Variants in NTM observed in about 807,000 individuals in gnomAD.
NTM encodes IgLON family member 2.
Under a neutral mutation model 42.1 loss-of-function variants are expected in NTM, and 13 were observed. That is an observed-to-expected ratio of 0.31 (90% CI 0.20 to 0.49). The LOEUF is 0.49. NTM is among the 20% of genes least tolerant of loss of function. The probability of loss-of-function intolerance (pLI) is 0.99; values close to 1 mark genes in which losing one functional copy is unlikely to be tolerated. For synonymous variants in NTM, 187 were observed against 179.2 expected (o/e 1.04, Z -0.35); for missense variants, 373 against 452.8 (o/e 0.82, Z 1.60).
At chr11:132,155,139 C>T (rs1040632995) in intron 3 of NTM, among the ~76,000 whole-genome samples, 1 of 152,028 alleles carries the variant, frequency 6.6e-6, no homozygotes, top group Non-Finnish European at 1.5e-5. Flanking sequence ...GATTTAATAG[C>T]TTAGTAGAAA....
chr11:131,845,088 T>G (rs2044738187), intron 1 of NTM, among the ~76,000 whole-genome samples: 1 of 152,202 alleles, frequency 6.6e-6, no homozygotes, highest in Non-Finnish European at 1.5e-5. Flanking sequence ...GCCATATACT[T>G]TTGGTGAATG....
intron 1 of NTM, chr11:131,536,165 T>G (rs1293430225): frequency 6.6e-6 from 1 of 152,216 alleles, no homozygotes; most frequent in Non-Finnish European, 1.5e-5. Context: ...TTGTTCTTGT[T>G]CAGGTTGGGC....
rs1406963888 is a variant in NTM, at chr11:132,134,729, A to G, written c.168-11553A>G. On this transcript the variant is annotated intron_variant, in intron 2 of 8. Coordinates refer to ENST00000683400, the MANE Select transcript of NTM (RefSeq NM_001352005.2). Reference sequence around the variant, plus strand: ...GGTATATATATATATATATATATATATATATATATATATATATATATATAT... The same window carrying G: ...GGTATATATATATATATATATATATGTATATATATATATATATATATATAT... Among the ~76,000 whole-genome samples the G allele has an allele frequency of 4.4e-3, 311 of 70,978 alleles. 17 individuals are homozygous for G. Among genetic ancestry groups the G allele is most frequent in the East Asian group, 5.8e-3 (18 of 3,100 alleles). 46.6% of individuals were successfully genotyped at this position (70,978 alleles called of 152,430 possible).
intron 4 of NTM, among the ~76,000 whole-genome samples, chr11:132,298,814 C>T (rs543330300): frequency 2.6e-5 from 4 of 152,256 alleles, no homozygotes; most frequent in African/African-American, 9.6e-5. Flanking sequence ...TCAGTTCCAA[C>T]TATCAAATGA....
chr11:131,412,806 G>T (rs1051425658), intron 1 of NTM, among the ~76,000 whole-genome samples: 5 of 33,246 alleles, frequency 1.5e-4, no homozygotes, highest in African/African-American at 3.2e-4. Context: ...CTTACGGGGC[G>T]TGTGTGTGTG....
At chr11:132,041,589 G>A (rs2077210057) in intron 2 of NTM, among the ~76,000 whole-genome samples, 1 of 152,140 alleles carries the variant, frequency 6.6e-6, no homozygotes, top group East Asian at 1.9e-4. Context: ...CTCTCAGTGG[G>A]TATGAACGTG....
intron 1 of NTM, among the ~76,000 whole-genome samples, chr11:131,443,373 A>G (rs896194605): frequency 6.6e-6 from 1 of 152,204 alleles, no homozygotes; most frequent in African/African-American, 2.4e-5. Flanking sequence ...GTTGTATCAT[A>G]TTTGGAGAAT....
intron 3 of NTM, among the ~76,000 whole-genome samples, chr11:132,173,842 T>C (rs2137892810): frequency 6.6e-6 from 1 of 152,342 alleles, no homozygotes; most frequent in South Asian, 2.1e-4. Context: ...GTAGCAGTTG[T>C]TTTTGAAGAT....
At chr11:131,592,373 G>A (rs900894202) in intron 1 of NTM, among the ~76,000 whole-genome samples, 17 of 152,064 alleles carry the variant, frequency 1.1e-4, no homozygotes, top group Non-Finnish European at 1.3e-4. Context: ...TTTAACCTAA[G>A]ATCCACGAAG....
At position 131,462,842 on chromosome 11, in the gene NTM, C is replaced by CCCT. The variant is rs1378623680; in HGVS notation, c.82+91954_82+91955insCCT. ...CACCTAGGGTGGTCCACCACCTTCT[C>CCCT]ACTAGAGTAGGCCCACCTAGGGTGG... On this transcript the variant is annotated intron_variant, in intron 1 of 8. Coordinates refer to ENST00000683400, the MANE Select transcript of NTM (RefSeq NM_001352005.2). Among the ~76,000 whole-genome samples, 59 of 151,852 alleles carry CCCT rather than the reference C, an allele frequency of 3.9e-4. 1 individual carries two copies. The highest frequency in any genetic ancestry group is 1.2e-3 in the African/African-American group (48 of 41,340).
At chr11:131,452,393 G>A (rs1364733505) in intron 1 of NTM, among the ~76,000 whole-genome samples, 3 of 152,184 alleles carry the variant, frequency 2.0e-5, no homozygotes, top group Non-Finnish European at 4.4e-5. Context: ...TAAAGCTTGG[G>A]AAAAGACATT....
chr11:132,089,793 T>C (rs1470047380), intron 2 of NTM, among the ~76,000 whole-genome samples: 1 of 152,232 alleles, frequency 6.6e-6, no homozygotes, highest in Admixed American at 6.5e-5. Context: ...CCAGAATTTG[T>C]GTTGCTCTGT....
intron 4 of NTM, among the ~76,000 whole-genome samples, chr11:132,257,811 G>T (rs1318039462): frequency 2.0e-5 from 3 of 152,166 alleles, no homozygotes; most frequent in East Asian, 1.9e-4. Flanking sequence ...GAAGCCCATT[G>T]CCTCTCTTTA....
intron 2 of NTM, among the ~76,000 whole-genome samples, chr11:132,059,653 G>C (rs1406593275): frequency 6.6e-6 from 1 of 152,080 alleles, no homozygotes; most frequent in African/African-American, 2.4e-5. Context: ...AAACATCCAA[G>C]TATGCACTGG....
At chr11:131,989,863 G>T (rs1305405811) in intron 2 of NTM, among the ~76,000 whole-genome samples, 4 of 152,080 alleles carry the variant, frequency 2.6e-5, no homozygotes, top group African/African-American at 9.7e-5. Flanking sequence ...TGCTCTTAAA[G>T]CTTTTGTTTT....
At chr11:131,612,261 G>A (rs564414269) in intron 1 of NTM, among the ~76,000 whole-genome samples, 45 of 152,332 alleles carry the variant, frequency 3.0e-4, no homozygotes, top group African/African-American at 1.1e-3. Flanking sequence ...AAGAGACCCT[G>A]AAGCAGAACT....
In NTM at chr11:131,692,000, T is replaced by A. The variant is rs1046382046; in HGVS notation, c.83-219564T>A. 5.3e-5 allele frequency among the ~76,000 whole-genome samples: 8 copies of A among 152,264 alleles called. No homozygotes were observed. The East Asian group carries it at 1.4e-3, about 26-fold the overall frequency. On this transcript the variant is annotated intron_variant, in intron 1 of 8. Coordinates refer to ENST00000683400, the MANE Select transcript of NTM (RefSeq NM_001352005.2). ...TGGGACTGCGGGCAGGCGTGGGAAC[T>A]GTCATCAAGGCATCCCACATGGCCC... is the stretch of plus-strand genomic sequence containing the variant.
intron 2 of NTM, among the ~76,000 whole-genome samples, chr11:131,958,693 C>G (rs1192490806): frequency 6.6e-6 from 1 of 152,134 alleles, no homozygotes; most frequent in African/African-American, 2.4e-5. Context: ...AGTTTGGCCT[C>G]CCACAAACCA....
chr11:132,081,172 C>T (rs2058987235), intron 2 of NTM, among the ~76,000 whole-genome samples: 1 of 152,140 alleles, frequency 6.6e-6, no homozygotes, highest in Non-Finnish European at 1.5e-5. Context: ...CTTGGAGCTG[C>T]ATAGGAATTA....
Sources: allele counts gnomAD v4.1 joint callset (sites outside exome capture counted in the v4.1 genomes callset), GRCh38; gene constraint gnomAD v4.1.1; transcripts MANE v1.5; gene names NCBI Gene and HGNC (gene_info 2026-07-23, HGNC 2026-07-21).